The following INTS4 variants were observed in gnomAD, a reference collection of about 807,000 sequenced individuals.
INTS4 encodes the protein MSTP093.
Under a neutral mutation model 119.5 loss-of-function variants are expected in INTS4, and 70 were observed. That is an observed-to-expected ratio of 0.59 (90% CI 0.48 to 0.71). INTS4 has a LOEUF of 0.71. Among genes scored for constraint, INTS4 ranks in the 30% least tolerant of loss-of-function variants. The probability of loss-of-function intolerance (pLI) is 0.00; values close to 1 mark genes in which losing one functional copy is unlikely to be tolerated. For synonymous variants in INTS4, 316 were observed against 419.6 expected, an observed-to-expected ratio of 0.75 and a Z score of 3.02; for missense variants, 867 against 1,173.2, an observed-to-expected ratio of 0.74 and a Z score of 3.81.
At chr11:77,909,547 A>T (rs950331557) in intron 15 of INTS4, among the ~76,000 whole-genome samples, 1 of 152,186 alleles carries the variant, frequency 6.6e-6, no homozygotes, top group Non-Finnish European at 1.5e-5. Context: ...TCACCTCCCA[A>T]AGACCTCACT....
At chr11:77,876,382 C>T (rs902756414), downstream of INTS4, among the ~76,000 whole-genome samples, 2 of 150,812 alleles carry the variant, frequency 1.3e-5, no homozygotes, top group African/African-American at 2.4e-5. Context: ...ATGCCCCCTT[C>T]GAAACCTTTA....
intron 18 of INTS4, 129 bp from the exon 19 acceptor site, chr11:77,894,478 G>A (rs1952425872): frequency 1.8e-6 from 1 of 542,862 alleles, no homozygotes. Context: ...ATCTCTAAAA[G>A]TAACAGAAGA....
intron 15 of INTS4, 37 bp downstream of exon 15, chr11:77,918,784 G>C: frequency 6.2e-7 from 1 of 1,608,318 alleles, no homozygotes; most frequent in Non-Finnish European, 8.5e-7. Context: ...GAGTGTAACA[G>C]CACTAACTCT....
intron 4 of INTS4, among the ~76,000 whole-genome samples, chr11:77,965,218 C>T (rs980432744): frequency 6.6e-6 from 1 of 152,030 alleles, no homozygotes; most frequent in African/African-American, 2.4e-5. Flanking sequence ...TGCCCAGCTA[C>T]TTTTTTTACT....
At chr11:77,965,448 T>G (rs1279205935) in intron 4 of INTS4, among the ~76,000 whole-genome samples, 2 of 152,212 alleles carry the variant, frequency 1.3e-5, no homozygotes, top group African/African-American at 4.8e-5. Flanking sequence ...CCTGTTGAGC[T>G]GAAACTTTAT....
intron 2 of INTS4, among the ~76,000 whole-genome samples, chr11:77,990,898 A>G (rs747871045): frequency 3.2e-4 from 49 of 152,108 alleles, no homozygotes; most frequent in Non-Finnish European, 6.2e-4. Context: ...TATCATTGAC[A>G]TGTCTTGTTT....
At chr11:77,981,607 T>C (rs1222148157) in intron 2 of INTS4, 31 bp from the exon 3 acceptor site, 14 of 1,164,660 alleles carry the variant, frequency 1.2e-5, no homozygotes, top group Non-Finnish European at 1.6e-5. Context: ...GTCACTTTGA[T>C]GCTTTACACT....
chr11:77,933,252 C>T (rs1320290392), intron 10 of INTS4, among the ~76,000 whole-genome samples: 1 of 150,738 alleles, frequency 6.6e-6, no homozygotes, highest in Non-Finnish European at 1.5e-5. Flanking sequence ...TCTCTCTCCA[C>T]GGTCTCCCTC....
intron 11 of INTS4, 59 bp downstream of exon 11, chr11:77,928,283 T>C: frequency 6.3e-7 from 1 of 1,581,344 alleles, no homozygotes; most frequent in Non-Finnish European, 8.7e-7. Context: ...GCACAATACC[T>C]GATTTTAACA....
intron 15 of INTS4, chr11:77,918,203 G>T (rs778679046): frequency 4.9e-5 from 33 of 674,400 alleles, no homozygotes; most frequent in African/African-American, 4.8e-4. Flanking sequence ...AGGCCGAGGC[G>T]GGAGGATCAC....
chr11:77,974,238 CT>C (rs60093605), intron 4 of INTS4, among the ~76,000 whole-genome samples: 37,423 of 84,490 alleles, frequency 0.44, 5,843 homozygotes, highest in African/African-American at 0.5. Context: ...TTTTTCTTTT[CT>C]TTTTTTTTTT....
At chr11:77,898,086 G>C (rs1461176895) in intron 18 of INTS4, among the ~76,000 whole-genome samples, 1 of 152,136 alleles carries the variant, frequency 6.6e-6, no homozygotes, top group Non-Finnish European at 1.5e-5. Context: ...CAAAGTCTGG[G>C]ATTACAGGCA....
intron 6 of INTS4, among the ~76,000 whole-genome samples, chr11:77,959,554 C>T (rs796749180): frequency 1.3e-5 from 2 of 152,212 alleles, no homozygotes; most frequent in African/African-American, 4.8e-5. Context: ...TTCCCTTCCT[C>T]TGAGTCCTTA....
intron 4 of INTS4, among the ~76,000 whole-genome samples, chr11:77,964,454 G>A (rs1040203706): frequency 1.3e-5 from 2 of 151,772 alleles, no homozygotes; most frequent in African/African-American, 4.8e-5. Context: ...GGCACCTGTA[G>A]TCCCAGCTAC....
chr11:77,933,477 C>T (rs1207126340), intron 10 of INTS4, among the ~76,000 whole-genome samples: 3 of 152,220 alleles, frequency 2.0e-5, no homozygotes, highest in African/African-American at 4.8e-5. Context: ...CTGCCAGCCT[C>T]GGCCTCCTGA....
chr11:77,943,645 A>G (rs1429958901), intron 8 of INTS4, among the ~76,000 whole-genome samples: 7 of 152,236 alleles, frequency 4.6e-5, no homozygotes, highest in Non-Finnish European at 1.0e-4. Flanking sequence ...TGTTTAGATT[A>G]AGATGGAATC....
chr11:77,974,570 C>G (rs1232872690), intron 4 of INTS4, among the ~76,000 whole-genome samples: 2 of 150,680 alleles, frequency 1.3e-5, no homozygotes, highest in Non-Finnish European at 3.0e-5. Flanking sequence ...AACTTATAAT[C>G]CTTTTTAGTT....
intron 10 of INTS4, among the ~76,000 whole-genome samples, chr11:77,930,551 C>A (rs1388024516): frequency 5.9e-5 from 9 of 152,246 alleles, no homozygotes; most frequent in African/African-American, 1.9e-4. Flanking sequence ...GAAGGAACTT[C>A]TGATCAGAAA....
chr11:77,883,355 C>T (rs1255836012), intron 22 of INTS4, among the ~76,000 whole-genome samples: 2 of 152,086 alleles, frequency 1.3e-5, no homozygotes, highest in Non-Finnish European at 2.9e-5. Flanking sequence ...CTTGTATTCT[C>T]CCATTTTATC....
Sources: gnomAD v4.1 joint callset for allele counts (sites outside exome capture counted in the v4.1 genomes callset) on GRCh38, gnomAD v4.1.1 for gene constraint, MANE v1.5 for transcripts, NCBI Gene and HGNC (gene_info 2026-07-23, HGNC 2026-07-21) for gene names.